Variants in ZNF813 observed in about 807,000 individuals in gnomAD.
ZNF813 encodes zinc finger protein 813.
ZNF813 carries 3 observed loss-of-function variants against 7.2 expected under a neutral mutation model. That is an observed-to-expected ratio of 0.42 (90% confidence interval 0.19 to 1.08). The LOEUF is 1.08. Ranked by LOEUF, ZNF813 falls within the 50% of genes least tolerant of loss-of-function variation. The pLI, the probability that ZNF813 is intolerant of heterozygous loss-of-function variation, is 0.30. For missense variants in ZNF813, 714 were observed against 753.3 expected, an observed-to-expected ratio of 0.95 and a Z score of 0.61; for synonymous variants, 227 against 256.3, an observed-to-expected ratio of 0.89 and a Z score of 1.09.
chr19:53,488,569 C>T lies in ZNF813; in HGVS notation c.143-1806C>T, dbSNP rs563747567. ...GACTACAGGCACATGTCACCACACC[C>T]GGCTAATTTTTTGTATTTTTTTTTT... On this transcript the variant is annotated intron_variant, in intron 3 of 3. Coordinates refer to ENST00000396403, the MANE Select transcript of ZNF813 (RefSeq NM_001004301.4). Among the ~76,000 whole-genome samples the T allele has an allele frequency of 6.7e-5, 10 of 148,266 alleles. No homozygotes were observed. In the South Asian group the frequency reaches 1.3e-3, roughly 19 times the overall value.
chr19:53,471,141 A>G (rs991698278), intron 1 of ZNF813, among the ~76,000 whole-genome samples: 3 of 152,106 alleles, frequency 2.0e-5, no homozygotes, highest in African/African-American at 7.2e-5. Context: ...TATTGTAGAC[A>G]GGATACCTTC....
chr19:53,491,338 C>G lies in ZNF813; in HGVS notation c.1106C>G (p.Ser369Cys). 6.2e-7 allele frequency: 1 copy of G among 1,612,656 alleles called. No homozygotes were observed. The highest frequency in any genetic ancestry group is 8.5e-7 in the Non-Finnish European group (1 of 1,179,212). ...GGCAAGACCTTTAGTCGGAAGTCAT[C>G]CCTTACATGCCATCATAGACTTCAT... ...ECGKTFSRKS[S>C]LTCHHRLHTG... Residue 369 changes from serine to cysteine, a missense_variant, in exon 4 of 4, where the codon TCC becomes TGC. Transcript: ENST00000396403.
intron 1 of ZNF813, chr19:53,479,277 T>A (rs2086396228): frequency 7.0e-7 from 1 of 1,435,064 alleles, no homozygotes; most frequent in Non-Finnish European, 9.6e-7. Context: ...TAATACATAA[T>A]CATGGAGAGG....
chr19:53,492,584 C>A lies in ZNF813; in HGVS notation c.*498C>A. 1 of 624,140 alleles carries A rather than the reference C, an allele frequency of 1.6e-6. No individual in the cohort carries two copies. Among genetic ancestry groups the A allele is most frequent in the South Asian group, 1.4e-5 (1 of 70,208 alleles). The allele number at this position is 624,140 out of a possible 1,614,324, so 38.7% of individuals were successfully genotyped here. A position where few individuals can be genotyped will look rare whatever the true frequency, so the allele number is the denominator to read the frequency against. ...TGGCAAAGCCTTAATGAGCAGTCAACACTTACTCACCATCAGGCAATCCAT... is the reference window on the plus strand; with the variant it reads ...TGGCAAAGCCTTAATGAGCAGTCAAAACTTACTCACCATCAGGCAATCCAT... On this transcript the variant is annotated 3_prime_UTR_variant, in exon 4 of 4. Transcript: ENST00000396403.
chr19:53,482,662 G>A (rs936369055), intron 1 of ZNF813, among the ~76,000 whole-genome samples: 3 of 140,770 alleles, frequency 2.1e-5, no homozygotes, highest in East Asian at 2.3e-4. Context: ...TCTCTATCAC[G>A]TTACTCAGGT....
rs548258008 is a variant in ZNF813 at position 53,472,153 on chromosome 19, A to G, written c.-74+4364A>G. Among the ~76,000 whole-genome samples the G allele has an allele frequency of 2.0e-5, 3 of 152,258 alleles. No individual in the cohort carries two copies. In the South Asian group the frequency reaches 6.2e-4, roughly 32 times the overall value. On this transcript the variant is annotated intron_variant, in intron 1 of 3. Transcript: ENST00000396403. Reference sequence around the variant, plus strand: ...TGGAGACATGTATGGGGTAACCTGCAGTCCACACGGGTAGGTCTGGCTTTA... The same window carrying G: ...TGGAGACATGTATGGGGTAACCTGCGGTCCACACGGGTAGGTCTGGCTTTA...
chr19:53,483,493 A>G (rs2086419021), intron 1 of ZNF813, among the ~76,000 whole-genome samples: 1 of 152,064 alleles, frequency 6.6e-6, no homozygotes, highest in Non-Finnish European at 1.5e-5. Flanking sequence ...CAGCCTTTGC[A>G]TGAGGTTTGG....
rs2086452894 is a variant in ZNF813 at position 53,490,297 on chromosome 19, T to TG, written c.143-78_143-77insG. 35 of 1,472,936 alleles carry TG rather than the reference T, an allele frequency of 2.4e-5. No homozygotes were observed. In the South Asian group the frequency reaches 3.9e-4, roughly 16 times the overall value. 91.2% of individuals were successfully genotyped at this position (1,472,936 alleles called of 1,614,324 possible). A position where few individuals can be genotyped will look rare whatever the true frequency, so the allele number is the denominator to read the frequency against. On this transcript the variant is annotated intron_variant, in intron 3 of 3. Coordinates refer to ENST00000396403, the MANE Select transcript of ZNF813 (RefSeq NM_001004301.4). The stretch of plus-strand genomic sequence containing the variant: ...TGGGGAAGTTTAAAATGAGTATTTT[T>TG]TGTGTCACATTTACACATTTCAGTA...
intron 1 of ZNF813, among the ~76,000 whole-genome samples, chr19:53,478,127 GA>G (rs901955261): frequency 1.5e-4 from 23 of 151,836 alleles, no homozygotes; most frequent in Admixed American, 9.2e-4. Context: ...AATGAAGTGG[GA>G]AAAAAATGAC....
At chr19:53,472,535 G>A (rs2086364225) in intron 1 of ZNF813, among the ~76,000 whole-genome samples, 1 of 150,386 alleles carries the variant, frequency 6.6e-6, no homozygotes, top group Non-Finnish European at 1.5e-5. Flanking sequence ...AAAACTTTGT[G>A]TTATAACATA....
intron 1 of ZNF813, among the ~76,000 whole-genome samples, chr19:53,468,222 C>A (rs1236050303): frequency 3.3e-5 from 2 of 61,394 alleles, no homozygotes; most frequent in East Asian, 5.2e-4. Flanking sequence ...CCCTCGCGCC[C>A]CCCCCCCCCC....
rs149758695 is a variant in ZNF813 at position 53,486,833 on chromosome 19, G to A, written c.142+75G>A. The A allele has an allele frequency of 3.2e-5, 51 of 1,610,554 alleles. No homozygotes were observed. The African/African-American group carries it at 3.9e-4, about 12-fold the overall frequency. ...GTATTTTCTCTTGTTTTTAGATACA[G>A]TGTCTTGCTCTGTCACCCAGGGTGG... is the stretch of plus-strand genomic sequence containing the variant. On this transcript the variant is annotated intron_variant, in intron 3 of 3. Transcript: ENST00000396403.
intron 1 of ZNF813, among the ~76,000 whole-genome samples, chr19:53,481,677 GCTTATGT>G (rs1428384632): frequency 4.6e-5 from 7 of 152,042 alleles, no homozygotes; most frequent in African/African-American, 7.2e-5. Flanking sequence ...GAAAAACTTT[GCTTATGT>G]CTTAGTTCTA....
intron 1 of ZNF813, among the ~76,000 whole-genome samples, chr19:53,473,253 C>T (rs901731950): frequency 5.9e-5 from 9 of 152,182 alleles, no homozygotes; most frequent in African/African-American, 1.7e-4. Flanking sequence ...TTCAGCTGTG[C>T]GTAGACTAGT....
At chr19:53,483,453 G>T (rs1252959643) in intron 1 of ZNF813, among the ~76,000 whole-genome samples, 1 of 152,158 alleles carries the variant, frequency 6.6e-6, no homozygotes, top group Non-Finnish European at 1.5e-5. Context: ...CTCCCAGAGT[G>T]CTGGGATGAC....
Position 53,484,551 on chromosome 19 carries a change from A to G in ZNF813, c.15+714A>G, listed in dbSNP as rs549364110. Among the ~76,000 whole-genome samples, 224 of 152,292 alleles carry G rather than the reference A, an allele frequency of 1.5e-3. 2 individuals are homozygous for G. In the South Asian group the frequency reaches 0.02, roughly 14 times the overall value. On this transcript the variant is annotated intron_variant, in intron 2 of 3. Coordinates refer to ENST00000396403, the MANE Select transcript of ZNF813 (RefSeq NM_001004301.4). ...GGTTATAATTTGTATTGTCATTATT[A>G]TTAAATTATGATAATATTATTGTAT...
intron 1 of ZNF813, among the ~76,000 whole-genome samples, chr19:53,468,015 A>G (rs1484237468): frequency 6.6e-6 from 1 of 152,044 alleles, no homozygotes; most frequent in Admixed American, 6.5e-5. Flanking sequence ...CAATGTATAC[A>G]CTTTCTATCG....
intron 1 of ZNF813, among the ~76,000 whole-genome samples, chr19:53,471,235 A>C (rs2086357504): frequency 6.6e-6 from 1 of 152,096 alleles, no homozygotes; most frequent in South Asian, 2.1e-4. Flanking sequence ...TTTTCCTGGC[A>C]ACTGTCGGTA....
At position 53,494,862 on chromosome 19, in the gene ZNF813, A is replaced by G. The variant is rs1234355095; in HGVS notation, c.*2776A>G. 1.3e-5 allele frequency: 2 copies of G among 152,184 alleles called. No individual in the cohort carries two copies. 9.4% of individuals were successfully genotyped at this position (152,184 alleles called of 1,614,324 possible). The stretch of plus-strand genomic sequence containing the variant: ...ACATGGTGAAACCCCCTTGTCTACA[A>G]AAAATACAAAAATTAGCTGGGCACG... On this transcript the variant is annotated 3_prime_UTR_variant, in exon 4 of 4. Coordinates refer to ENST00000396403, the MANE Select transcript of ZNF813 (RefSeq NM_001004301.4).
Sources: gnomAD v4.1 joint callset for allele counts (sites outside exome capture counted in the v4.1 genomes callset) on GRCh38, gnomAD v4.1.1 for gene constraint, MANE v1.5 for transcripts, NCBI Gene and HGNC (gene_info 2026-07-23, HGNC 2026-07-21) for gene names.